The following MRPS28 variants were observed in gnomAD, a reference collection of about 807,000 sequenced individuals.
The protein encoded by MRPS28 is small ribosomal subunit protein bS1m.
MRPS28 carries 7 observed loss-of-function variants against 10.8 expected under a neutral mutation model. The ratio of observed to expected loss-of-function variants is 0.65; its 90% CI spans 0.37 to 1.22. MRPS28 has a LOEUF of 1.22. MRPS28 is among the 50% of genes most tolerant of loss of function. MRPS28 has a pLI of 0.02. For missense variants in MRPS28, 265 were observed against 232.9 expected (o/e 1.14, Z -0.90); for synonymous variants, 121 against 93.3 (o/e 1.30, Z -1.71).
Position 79,952,699 on chromosome 8 carries a change from T to A in MRPS28, c.396-33551A>T, listed in dbSNP as rs573023948. On this transcript the variant is annotated intron_variant, in intron 2 of 2. Transcript: ENST00000276585. ...AACAGAGTTCCTTATTTCCCATGGG[T>A]AGCTTCTCTGCTACAGGGAGCCAGC... Among the ~76,000 whole-genome samples, 5 of 152,228 alleles carry A rather than the reference T, an allele frequency of 3.3e-5. No homozygotes were observed. The East Asian group carries it at 9.7e-4, about 29-fold the overall frequency.
At chr8:80,029,053 G>A (rs753920806) in intron 1 of MRPS28, among the ~76,000 whole-genome samples, 2 of 152,100 alleles carry the variant, frequency 1.3e-5, no homozygotes, top group East Asian at 1.9e-4. Flanking sequence ...TAGAAGCTAC[G>A]GAAAAGAACA....
chr8:79,976,636 G>T (rs985762888), intron 2 of MRPS28, among the ~76,000 whole-genome samples: 2 of 152,084 alleles, frequency 1.3e-5, no homozygotes, highest in Admixed American at 6.5e-5. Flanking sequence ...AACCAGGGAG[G>T]TGATGGTTGC....
At chr8:79,998,365 A>C (rs1264990944) in intron 2 of MRPS28, among the ~76,000 whole-genome samples, 1 of 152,196 alleles carries the variant, frequency 6.6e-6, no homozygotes, top group Non-Finnish European at 1.5e-5. Context: ...TATAATAATT[A>C]TAACTTTTGA....
intron 2 of MRPS28, among the ~76,000 whole-genome samples, chr8:79,930,196 T>C (rs1207234926): frequency 1.3e-5 from 2 of 152,208 alleles, no homozygotes; most frequent in East Asian, 3.8e-4. Context: ...GCCAGCTAAG[T>C]TGTGTTTCAG....
At chr8:80,002,916 A>C (rs1027975899) in intron 2 of MRPS28, 83 bp downstream of exon 2, 40 of 1,170,798 alleles carry the variant, frequency 3.4e-5, no homozygotes, top group Non-Finnish European at 4.5e-5. Flanking sequence ...CTTTTCAAAA[A>C]ATCACCTTTC....
At chr8:80,014,426 CA>C (rs1297511456) in intron 1 of MRPS28, among the ~76,000 whole-genome samples, 1 of 152,110 alleles carries the variant, frequency 6.6e-6, no homozygotes, top group Admixed American at 6.5e-5. Flanking sequence ...GAAAAGACTC[CA>C]AATGACAGCT....
At chr8:79,958,332 T>C in intron 2 of MRPS28, 1 of 690,916 alleles carries the variant, frequency 1.4e-6, no homozygotes, top group Non-Finnish European at 2.6e-6. Flanking sequence ...GTATTACAAC[T>C]TCTTTATCTT....
chr8:80,022,211 C>CT (rs111833815), intron 1 of MRPS28, among the ~76,000 whole-genome samples: 52 of 145,168 alleles, frequency 3.6e-4, no homozygotes, highest in South Asian at 2.4e-3. Context: ...TTGGGACTGG[C>CT]TTTTTTTTTT....
intron 2 of MRPS28, among the ~76,000 whole-genome samples, chr8:79,942,848 A>G (rs2129938085): frequency 6.6e-6 from 1 of 152,334 alleles, no homozygotes. Flanking sequence ...TGTTGTCTAC[A>G]GATAAAAGAA....
intron 2 of MRPS28, among the ~76,000 whole-genome samples, chr8:79,993,888 A>G (rs1489629964): frequency 1.3e-5 from 2 of 152,224 alleles, no homozygotes; most frequent in Non-Finnish European, 2.9e-5. Flanking sequence ...ACAATCTGAA[A>G]TAGAAACAAA....
In MRPS28 at chr8:79,919,059, A is replaced by T. The variant is rs746366576; in HGVS notation, c.485T>A (p.Val162Glu). 5.0e-6 allele frequency: 8 copies of T among 1,611,188 alleles called. No individual in the cohort carries two copies. The highest frequency in any genetic ancestry group is 6.8e-6 in the Non-Finnish European group (8 of 1,178,616). ...CAAGAGAACTGCATTAGCCTCTAGT[A>T]CAGTTGTATCTGTTGTTGCTCCCAG... ...RFLGATTDTTVLEANAVLLGI... is the reference protein window; with the variant it reads ...RFLGATTDTTELEANAVLLGI... Residue 162 changes from valine (V) to glutamate (E), a missense_variant, in exon 3 of 3, where the codon GTA (valine) becomes GAA (glutamate). Transcript: ENST00000276585.
At chr8:79,919,753 C>G (rs540901337) in intron 2 of MRPS28, among the ~76,000 whole-genome samples, 1 of 152,278 alleles carries the variant, frequency 6.6e-6, no homozygotes, top group Admixed American at 6.5e-5. Flanking sequence ...CAGAGAGTAT[C>G]AAGGGGAAAA....
intron 1 of MRPS28, 123 bp downstream of exon 1, chr8:80,029,913 C>G: frequency 6.5e-7 from 1 of 1,536,250 alleles, no homozygotes; most frequent in Admixed American, 2.0e-5. Flanking sequence ...ACCGCAACTC[C>G]GGAAAACTGG....
intron 2 of MRPS28, among the ~76,000 whole-genome samples, chr8:79,953,420 T>C (rs535922554): frequency 6.6e-6 from 1 of 152,350 alleles, no homozygotes; most frequent in African/African-American, 2.4e-5. Flanking sequence ...CAGCCATTTA[T>C]AGGCCTTTAT....
At chr8:80,006,755 G>T (rs1808860804) in intron 1 of MRPS28, among the ~76,000 whole-genome samples, 1 of 152,108 alleles carries the variant, frequency 6.6e-6, no homozygotes, top group South Asian at 2.1e-4. Flanking sequence ...CCAATAACAG[G>T]CTCTGAAATT....
intron 2 of MRPS28, among the ~76,000 whole-genome samples, chr8:79,984,823 A>G (rs1463427237): frequency 1.3e-5 from 2 of 152,170 alleles, no homozygotes; most frequent in African/African-American, 4.8e-5. Context: ...CTCAATAATA[A>G]TGGGAGACTT....
intron 2 of MRPS28, among the ~76,000 whole-genome samples, chr8:79,974,369 T>C (rs998447377): frequency 3.3e-5 from 5 of 151,828 alleles, no homozygotes; most frequent in African/African-American, 1.2e-4. Flanking sequence ...TGACCCCTTG[T>C]CTCTACTAAA....
intron 1 of MRPS28, among the ~76,000 whole-genome samples, chr8:80,009,608 C>G (rs1808972496): frequency 6.6e-6 from 1 of 151,212 alleles, no homozygotes; most frequent in South Asian, 2.1e-4. Flanking sequence ...AAGAGCCAAA[C>G]TGTCTCAAAA....
At chr8:79,970,963 G>A (rs532319263) in intron 2 of MRPS28, among the ~76,000 whole-genome samples, 1 of 152,198 alleles carries the variant, frequency 6.6e-6, no homozygotes, top group African/African-American at 2.4e-5. Flanking sequence ...GAATTGCACT[G>A]TATAGTAACT....
Sources: allele counts gnomAD v4.1 joint callset (sites outside exome capture counted in the v4.1 genomes callset), GRCh38; gene constraint gnomAD v4.1.1; transcripts MANE v1.5; gene names NCBI Gene and HGNC (gene_info 2026-07-23, HGNC 2026-07-21).